Variants in ST6GALNAC3 observed in about 807,000 individuals in gnomAD.
The protein encoded by ST6GALNAC3 is ST6 N-acetylgalactosaminide alpha-2,6-sialyltransferase 3.
A neutral mutation model predicts 32.7 loss-of-function variants in ST6GALNAC3; 25 were observed. The observed-to-expected ratio is 0.76, with a 90% CI of 0.56 to 1.07. The LOEUF (loss-of-function observed/expected upper bound fraction) is 1.07. Among genes scored for constraint, ST6GALNAC3 ranks in the 50% least tolerant of loss-of-function variants. The pLI, the probability that ST6GALNAC3 is intolerant of heterozygous loss-of-function variation, is 0.00. For missense variants in ST6GALNAC3, 355 were observed against 382.4 expected, an observed-to-expected ratio of 0.93 and a Z score of 0.60; for synonymous variants, 129 against 133.1, an observed-to-expected ratio of 0.97 and a Z score of 0.21.
intron 3 of ST6GALNAC3, among the ~76,000 whole-genome samples, chr1:76,610,884 C>T (rs897093644): frequency 1.3e-5 from 2 of 152,076 alleles, no homozygotes; most frequent in African/African-American, 2.4e-5. Flanking sequence ...AGCGAAATAC[C>T]TTAGCCATGC....
chr1:76,103,107 T>TG lies in ST6GALNAC3; in HGVS notation c.18+28223_18+28224insG, dbSNP rs35802431. Among the ~76,000 whole-genome samples, 1,191 of 132,158 alleles carry TG rather than the reference T, an allele frequency of 9.0e-3. 19 individuals carry two copies. The highest frequency in any genetic ancestry group is 0.032 in the African/African-American group (1,126 of 35,038). 86.7% of individuals were successfully genotyped at this position (132,158 alleles called of 152,430 possible). On this transcript the variant is annotated intron_variant, in intron 1 of 4. Transcript: ENST00000328299. ...TTTTCACCCTTATGCTGATTTTTAG[T>TG]TTTTTTTTTTTTTTCTTTGTGGTTT... is the stretch of plus-strand genomic sequence containing the variant.
At chr1:76,228,255 G>A (rs1359884386) in intron 1 of ST6GALNAC3, among the ~76,000 whole-genome samples, 1 of 152,190 alleles carries the variant, frequency 6.6e-6, no homozygotes, top group African/African-American at 2.4e-5. Context: ...TGTGGTTTCA[G>A]TGATGCTATT....
At chr1:76,139,049 C>T (rs1185665772) in intron 1 of ST6GALNAC3, among the ~76,000 whole-genome samples, 2 of 152,108 alleles carry the variant, frequency 1.3e-5, no homozygotes, top group South Asian at 2.1e-4. Flanking sequence ...AAAAAATTAG[C>T]TGGGCGTGGT....
intron 3 of ST6GALNAC3, among the ~76,000 whole-genome samples, chr1:76,518,909 A>G (rs1662339689): frequency 6.6e-6 from 1 of 152,144 alleles, no homozygotes; most frequent in African/African-American, 2.4e-5. Flanking sequence ...TACTAAAAAT[A>G]CAAAAAAATT....
chr1:76,497,521 TGAA>T (rs1165786594), intron 3 of ST6GALNAC3, among the ~76,000 whole-genome samples: 6 of 152,148 alleles, frequency 3.9e-5, no homozygotes, highest in Non-Finnish European at 8.8e-5. Flanking sequence ...TTCACTGAGA[TGAA>T]GGAGCAAAGC....
intron 3 of ST6GALNAC3, among the ~76,000 whole-genome samples, chr1:76,503,258 G>A (rs940156229): frequency 1.3e-5 from 2 of 152,202 alleles, no homozygotes; most frequent in Non-Finnish European, 2.9e-5. Context: ...TGTTCTGAAT[G>A]TGTGTCCCAC....
chr1:76,333,062 C>A (rs1647227325), intron 2 of ST6GALNAC3, among the ~76,000 whole-genome samples: 1 of 152,116 alleles, frequency 6.6e-6, no homozygotes, highest in Admixed American at 6.6e-5. Flanking sequence ...TCTTCCATTC[C>A]CTGCCTGCCA....
chr1:76,421,685 C>G (rs1340053315), intron 3 of ST6GALNAC3, among the ~76,000 whole-genome samples: 1 of 151,936 alleles, frequency 6.6e-6, no homozygotes, highest in Non-Finnish European at 1.5e-5. Flanking sequence ...AAATAAATTG[C>G]CTTACTTTTT....
intron 2 of ST6GALNAC3, among the ~76,000 whole-genome samples, chr1:76,316,534 GACTAA>G (rs1383541713): frequency 6.6e-6 from 1 of 151,694 alleles, no homozygotes; most frequent in African/African-American, 2.4e-5. Context: ...CACAAGAAGA[GACTAA>G]ACTAAATAAT....
chr1:76,258,972 TC>T (rs1658076463), intron 1 of ST6GALNAC3, among the ~76,000 whole-genome samples: 1 of 152,188 alleles, frequency 6.6e-6, no homozygotes, highest in Non-Finnish European at 1.5e-5. Flanking sequence ...TTAAACGCTT[TC>T]AAATGTGGTG....
intron 2 of ST6GALNAC3, among the ~76,000 whole-genome samples, chr1:76,382,457 T>G (rs1651785921): frequency 1.3e-5 from 2 of 152,194 alleles, no homozygotes; most frequent in African/African-American, 4.8e-5. Flanking sequence ...GAGATATGTT[T>G]AATAGCAGAT....
intron 1 of ST6GALNAC3, among the ~76,000 whole-genome samples, chr1:76,280,971 T>C (rs901217376): frequency 6.6e-5 from 10 of 152,250 alleles, no homozygotes; most frequent in African/African-American, 2.4e-4. Flanking sequence ...ATGCTCACTT[T>C]ATGCCATGCA....
intron 3 of ST6GALNAC3, among the ~76,000 whole-genome samples, chr1:76,587,741 C>T (rs201988040): frequency 1.4e-4 from 22 of 152,140 alleles, no homozygotes. Context: ...AGAGCCTGTC[C>T]CTCAGGCAGT....
intron 3 of ST6GALNAC3, among the ~76,000 whole-genome samples, chr1:76,430,647 T>C (rs576444357): frequency 1.3e-4 from 20 of 152,304 alleles, no homozygotes; most frequent in African/African-American, 4.8e-4. Flanking sequence ...TTTATTTTTC[T>C]CGCCCTGTAT....
intron 3 of ST6GALNAC3, among the ~76,000 whole-genome samples, chr1:76,420,575 G>A (rs1426753472): frequency 4.6e-5 from 7 of 151,976 alleles, no homozygotes; most frequent in Admixed American, 4.6e-4. Flanking sequence ...CCAAAAGAAT[G>A]TATTATTTTC....
intron 3 of ST6GALNAC3, among the ~76,000 whole-genome samples, chr1:76,619,684 A>T (rs542612569): frequency 1.3e-5 from 2 of 152,276 alleles, no homozygotes; most frequent in Middle Eastern, 6.8e-3. Context: ...AAGAAAAATA[A>T]ATTGGTGCTA....
intron 1 of ST6GALNAC3, among the ~76,000 whole-genome samples, chr1:76,293,107 T>C (rs1315753351): frequency 3.3e-5 from 5 of 152,208 alleles, no homozygotes; most frequent in Non-Finnish European, 7.4e-5. Flanking sequence ...TTAAGTAATA[T>C]AAAGGAAACA....
At chr1:76,604,813 T>C (rs1321275088) in intron 3 of ST6GALNAC3, among the ~76,000 whole-genome samples, 1 of 152,192 alleles carries the variant, frequency 6.6e-6, no homozygotes, top group African/African-American at 2.4e-5. Flanking sequence ...TGTTTTCAAA[T>C]TAGAAATCAC....
chr1:76,357,979 C>G (rs1441778316), intron 2 of ST6GALNAC3, among the ~76,000 whole-genome samples: 1 of 152,170 alleles, frequency 6.6e-6, no homozygotes, highest in East Asian at 1.9e-4. Flanking sequence ...CCCTACCTGC[C>G]TCCCTGCCAA....
Sources: gnomAD v4.1 joint callset for allele counts (sites outside exome capture counted in the v4.1 genomes callset) on GRCh38, gnomAD v4.1.1 for gene constraint, MANE v1.5 for transcripts, NCBI Gene and HGNC (gene_info 2026-07-23, HGNC 2026-07-21) for gene names.